MBOAT2: variants seen among roughly 807,000 people sequenced by gnomAD.
MBOAT2 encodes the protein membrane bound glycerophospholipid O-acyltransferase 2, also known as membrane-bound glycerophospholipid O-acyltransferase 2.
MBOAT2 carries 28 observed loss-of-function variants against 63.4 expected under a neutral mutation model. That is an observed-to-expected ratio of 0.44 (90% CI 0.33 to 0.61). The LOEUF (loss-of-function observed/expected upper bound fraction) is 0.61, where lower values mean the gene tolerates loss of function less well. Ranked by LOEUF, MBOAT2 falls within the 20% of genes least tolerant of loss-of-function variation. The pLI is 0.03. For synonymous variants in MBOAT2, 211 were observed against 215.6 expected (o/e 0.98, Z 0.19); for missense variants, 470 against 605.8 (o/e 0.78, Z 2.35).
intron 1 of MBOAT2, among the ~76,000 whole-genome samples, chr2:8,995,021 G>A: frequency 6.6e-6 from 1 of 152,214 alleles, no homozygotes; most frequent in East Asian, 1.9e-4. Context: ...CGGCATGTGT[G>A]GAAAGAGTGT....
intron 1 of MBOAT2, among the ~76,000 whole-genome samples, chr2:8,964,748 T>A (rs983383163): frequency 3.3e-5 from 5 of 152,240 alleles, no homozygotes; most frequent in African/African-American, 1.2e-4. Flanking sequence ...TTGACAACAC[T>A]TGGTACTGTC....
At chr2:8,918,363 C>A (rs974990619) in intron 3 of MBOAT2, among the ~76,000 whole-genome samples, 12 of 152,178 alleles carry the variant, frequency 7.9e-5, no homozygotes, top group African/African-American at 2.9e-4. Flanking sequence ...GCACAGTGTG[C>A]AGTGCCTCTA....
chr2:8,874,261 G>T (rs949354069), intron 7 of MBOAT2, among the ~76,000 whole-genome samples: 5 of 152,132 alleles, frequency 3.3e-5, no homozygotes, highest in Non-Finnish European at 7.3e-5. Context: ...CTGCGAGGTG[G>T]AACTCAGTGT....
At position 8,856,313 on chromosome 2, in the gene MBOAT2, A is replaced by C. The variant is rs1192171372; in HGVS notation, c.*2366T>G. On this transcript the variant is annotated 3_prime_UTR_variant, in exon 13 of 13. Transcript: ENST00000305997. This position sits in a 1 kb window ranked among gnomAD's most constrained non-coding sequence, Gnocchi z 4.2. ...GCTAGATAGGCTGAACCAAAAAAAA[A>C]CACACACACACACACACACACACAC... 1 of 124,938 alleles carries C rather than the reference A, an allele frequency of 8.0e-6. No homozygotes were observed. Among genetic ancestry groups the C allele is most frequent in the Non-Finnish European group, 1.7e-5 (1 of 59,232 alleles). The allele number at this position is 124,938 out of a possible 1,614,324, so 7.7% of individuals were successfully genotyped here. A position where few individuals can be genotyped will look rare whatever the true frequency, so the allele number is the denominator to read the frequency against.
At chr2:8,893,843 A>G (rs1664205505) in intron 4 of MBOAT2, among the ~76,000 whole-genome samples, 1 of 152,180 alleles carries the variant, frequency 6.6e-6, no homozygotes, top group Non-Finnish European at 1.5e-5. Flanking sequence ...TGTTCCAAGG[A>G]GAGACACTGG....
intron 3 of MBOAT2, among the ~76,000 whole-genome samples, chr2:8,924,516 G>GT (rs1376523797): frequency 3.9e-5 from 6 of 152,106 alleles, no homozygotes. Context: ...AATAAAAATC[G>GT]TGAGGGATTT....
chr2:8,998,831 T>C (rs908150351), intron 1 of MBOAT2, among the ~76,000 whole-genome samples: 1 of 152,048 alleles, frequency 6.6e-6, no homozygotes, highest in Non-Finnish European at 1.5e-5. Flanking sequence ...CTACCAAAAA[T>C]ATTTGCCACA....
rs1355379840 is a variant in MBOAT2 at position 8,873,127 on chromosome 2, G to C, written c.864C>G (p.Tyr288Ter). The C allele has an allele frequency of 6.2e-7, 1 of 1,613,950 alleles. No homozygotes were observed. The change falls in exon 8 of 13, where the codon TAC (tyrosine) becomes TAG (stop). Residue 288 changes from tyrosine (Y) to a stop codon, truncating the protein, a stop_gained. Transcript: ENST00000305997. LOFTEE classifies it high-confidence loss of function. ...ACTTACCTAGCGTCCATGCAAAATA[G>C]TATTTGGGTCTGGCAGCCAAAAGAG... is the stretch of plus-strand genomic sequence containing the variant. ...YISLLAARPK[Y>*]YFAWTLADAI... is the part of the protein sequence containing the mutation.
chr2:8,950,296 T>C (rs1668737923), intron 2 of MBOAT2, among the ~76,000 whole-genome samples: 1 of 152,228 alleles, frequency 6.6e-6, no homozygotes, highest in South Asian at 2.1e-4. Flanking sequence ...TTTTCCTATT[T>C]GGATGCCTTT....
intron 8 of MBOAT2, 111 bp from the exon 9 acceptor site, chr2:8,868,660 A>G (rs922609368): frequency 1.2e-6 from 1 of 819,688 alleles, no homozygotes; most frequent in South Asian, 1.9e-5. Flanking sequence ...GTAAAAGTAG[A>G]TTTATTCTGA....
Position 8,856,524 on chromosome 2 carries a change from C to T in MBOAT2, c.*2155G>A, listed in dbSNP as rs1661095223. On this transcript the variant is annotated 3_prime_UTR_variant, in exon 13 of 13. Coordinates refer to ENST00000305997, the MANE Select transcript of MBOAT2 (RefSeq NM_138799.4). The surrounding 1 kb of genome is among the most constrained non-coding windows in gnomAD (Gnocchi z 4.2). ...ATTCCATGAACATTCTTTCTATTCT[C>T]TCACATTAAACAGCTGGCATAATTT... The T allele has an allele frequency of 6.6e-6, 1 of 151,880 alleles. No homozygotes were observed. Among genetic ancestry groups the T allele is most frequent in the African/African-American group, 2.4e-5 (1 of 41,372 alleles). 9.4% of individuals were successfully genotyped at this position (151,880 alleles called of 1,614,324 possible).
chr2:8,946,597 C>T (rs1668429528), intron 2 of MBOAT2, among the ~76,000 whole-genome samples: 1 of 152,188 alleles, frequency 6.6e-6, no homozygotes, highest in African/African-American at 2.4e-5. Context: ...ATAGCACGTG[C>T]TGAGACTTCA....
chr2:8,935,407 T>G (rs1323352132), intron 3 of MBOAT2, among the ~76,000 whole-genome samples: 1 of 152,212 alleles, frequency 6.6e-6, no homozygotes, highest in Non-Finnish European at 1.5e-5. Context: ...AGCAGGATTT[T>G]AAAAAGAGTA....
chr2:8,962,158 C>A (rs998445572), intron 1 of MBOAT2, among the ~76,000 whole-genome samples: 9 of 152,310 alleles, frequency 5.9e-5, no homozygotes, highest in African/African-American at 2.2e-4. Flanking sequence ...TCTATTTAAT[C>A]TTCACAATAA....
chr2:8,857,199 A>G lies in MBOAT2; in HGVS notation c.*1480T>C, dbSNP rs1661154385. The stretch of plus-strand genomic sequence containing the variant: ...AAAATTTGCATTTCATTAAAAATTT[A>G]AGGCAAAAAGTAAAAGTAAGTTCCA... On this transcript the variant is annotated 3_prime_UTR_variant, in exon 13 of 13. Transcript: ENST00000305997. 1 of 152,654 alleles carries G rather than the reference A, an allele frequency of 6.6e-6. No individual in the cohort carries two copies. The highest frequency in any genetic ancestry group is 1.5e-5 in the Non-Finnish European group (1 of 68,040). 9.5% of individuals were successfully genotyped at this position (152,654 alleles called of 1,614,324 possible).
chr2:8,894,627 C>A (rs1307078990), intron 4 of MBOAT2, among the ~76,000 whole-genome samples: 2 of 152,336 alleles, frequency 1.3e-5, no homozygotes, highest in Middle Eastern at 3.4e-3. Flanking sequence ...ACATGACAAG[C>A]ACACCTGTGG....
At chr2:8,973,832 A>C (rs1670631644) in intron 1 of MBOAT2, among the ~76,000 whole-genome samples, 2 of 152,180 alleles carry the variant, frequency 1.3e-5, no homozygotes, top group African/African-American at 4.8e-5. Flanking sequence ...GTGTATAAGG[A>C]AACAGGCACA....
At chr2:8,970,909 A>G (rs866517872) in intron 1 of MBOAT2, among the ~76,000 whole-genome samples, 7 of 148,522 alleles carry the variant, frequency 4.7e-5, no homozygotes, top group South Asian at 2.1e-4. Flanking sequence ...AAGTCCAGAC[A>G]CATTCACAGC....
intron 1 of MBOAT2, among the ~76,000 whole-genome samples, chr2:8,960,792 T>C (rs1033736080): frequency 2.6e-5 from 4 of 152,168 alleles, no homozygotes; most frequent in African/African-American, 7.2e-5. Flanking sequence ...TTTGGGGAGA[T>C]AGGCCCAAAA....
Sources: gnomAD v4.1 joint callset for allele counts (sites outside exome capture counted in the v4.1 genomes callset) on GRCh38, gnomAD v4.1.1 for gene constraint, Gnocchi (gnomAD v3.1) non-coding constraint, MANE v1.5 for transcripts, NCBI Gene and HGNC (gene_info 2026-07-23, HGNC 2026-07-21) for gene names.